CRYL1: variants seen among roughly 807,000 people sequenced by gnomAD.
CRYL1 encodes the protein crystallin lambda 1.
Under a neutral mutation model 36.6 loss-of-function variants are expected in CRYL1, and 29 were observed. The ratio of observed to expected loss-of-function variants is 0.79; its 90% confidence interval spans 0.59 to 1.08. The LOEUF (loss-of-function observed/expected upper bound fraction) is 1.08, where lower values mean the gene tolerates loss of function less well. CRYL1 is among the 50% of genes least tolerant of loss of function. CRYL1 has a pLI of 0.00. For synonymous variants in CRYL1, 152 were observed against 151.5 expected (o/e 1.00, Z -0.02); for missense variants, 411 against 407.9 (o/e 1.01, Z -0.06).
chr13:20,422,188 ATC>A (rs1489336383), intron 5 of CRYL1, among the ~76,000 whole-genome samples: 1 of 151,862 alleles, frequency 6.6e-6, no homozygotes, highest in Non-Finnish European at 1.5e-5. Flanking sequence ...GAGAAACCCC[ATC>A]TCTACTAAAA....
At chr13:20,454,228 AT>A (rs564527701) in intron 3 of CRYL1, among the ~76,000 whole-genome samples, 352 of 152,320 alleles carry the variant, frequency 2.3e-3, no homozygotes, top group Non-Finnish European at 3.9e-3. Context: ...TGCAAAAAAA[AT>A]CTCAACAAAA....
At chr13:20,508,610 G>A (rs1459648968) in intron 2 of CRYL1, among the ~76,000 whole-genome samples, 1 of 151,338 alleles carries the variant, frequency 6.6e-6, no homozygotes, top group Non-Finnish European at 1.5e-5. Context: ...ACTTTGGGAG[G>A]CCAAGATGGG....
At chr13:20,444,186 G>A (rs751793301) in intron 3 of CRYL1, among the ~76,000 whole-genome samples, 1 of 152,200 alleles carries the variant, frequency 6.6e-6, no homozygotes, top group Admixed American at 6.5e-5. Context: ...AGGGGAAAGA[G>A]CACATCTATT....
chr13:20,515,091 A>G (rs2033978509), intron 1 of CRYL1, among the ~76,000 whole-genome samples: 1 of 152,242 alleles, frequency 6.6e-6, no homozygotes, highest in Admixed American at 6.5e-5. Context: ...ACCAGTCACA[A>G]AGGTTCACGT....
chr13:20,468,181 T>C (rs1229529243), intron 3 of CRYL1, among the ~76,000 whole-genome samples: 4 of 152,252 alleles, frequency 2.6e-5, no homozygotes, highest in Non-Finnish European at 5.9e-5. Flanking sequence ...TCTGGGTCTT[T>C]CTGTAATTAA....
intron 1 of CRYL1, among the ~76,000 whole-genome samples, chr13:20,518,437 A>G (rs1297594529): frequency 6.6e-6 from 1 of 152,140 alleles, no homozygotes; most frequent in Non-Finnish European, 1.5e-5. Context: ...CAGCTGGTCC[A>G]GATCAACAAG....
At chr13:20,454,272 T>A (rs2032632749) in intron 3 of CRYL1, among the ~76,000 whole-genome samples, 2 of 152,104 alleles carry the variant, frequency 1.3e-5, no homozygotes, top group Non-Finnish European at 1.5e-5. Context: ...CTGGAGTTTA[T>A]CCCAGGAATG....
chr13:20,505,352 AT>A lies in CRYL1; in HGVS notation c.149+7090del, dbSNP rs1334221810. ...AGCCTGGGCAACAAAGTGAGACTCT[AT>A]CCCACCAAAAAAAAAAAAAAAAAAA... On this transcript the variant is annotated intron_variant, in intron 2 of 7. Coordinates refer to ENST00000298248, the MANE Select transcript of CRYL1 (RefSeq NM_015974.3). 6.1e-5 allele frequency among the ~76,000 whole-genome samples: 8 copies of A among 131,134 alleles called. No homozygotes were observed. In the East Asian group the frequency reaches 1.7e-3, roughly 28 times the overall value. The allele number at this position is 131,134 out of a possible 152,430, so 86.0% of individuals were successfully genotyped here.
chr13:20,411,785 G>A (rs896363834), intron 6 of CRYL1, among the ~76,000 whole-genome samples: 2 of 152,134 alleles, frequency 1.3e-5, no homozygotes, highest in African/African-American at 4.8e-5. Flanking sequence ...ACGTGCTGGA[G>A]CAGATTCCCC....
chr13:20,491,290 T>TA (rs35647358), intron 2 of CRYL1, among the ~76,000 whole-genome samples: 79,448 of 151,722 alleles, frequency 0.52, 21,525 homozygotes, highest in South Asian at 0.6. Flanking sequence ...TATATCAGCT[T>TA]AAAAAAATCT....
chr13:20,458,040 T>C (rs1257762033), intron 3 of CRYL1, among the ~76,000 whole-genome samples: 1 of 152,172 alleles, frequency 6.6e-6, no homozygotes, highest in East Asian at 1.9e-4. Context: ...ATTGGTTCTA[T>C]TCATTTACCA....
intron 1 of CRYL1, among the ~76,000 whole-genome samples, chr13:20,518,029 C>G (rs2034033829): frequency 6.6e-6 from 1 of 151,482 alleles, no homozygotes. Flanking sequence ...TAGCACTCAC[C>G]TTCATATTCC....
chr13:20,424,832 GA>G, intron 5 of CRYL1, among the ~76,000 whole-genome samples: 1 of 152,280 alleles, frequency 6.6e-6, no homozygotes, highest in East Asian at 1.9e-4. Flanking sequence ...CGGAGCTCTG[GA>G]AGCCCCATCA....
chr13:20,431,174 T>C (rs1174367644), intron 5 of CRYL1: 2 of 985,244 alleles, frequency 2.0e-6, no homozygotes, highest in African/African-American at 1.7e-5. Flanking sequence ...GAAATTGAAA[T>C]GCAACACTCA....
chr13:20,523,915 C>T (rs900462264), intron 1 of CRYL1, among the ~76,000 whole-genome samples: 1 of 152,186 alleles, frequency 6.6e-6, no homozygotes, highest in Non-Finnish European at 1.5e-5. Context: ...TCAACTAAAA[C>T]TTTACTTCAC....
chr13:20,500,838 G>A (rs1307032528), intron 2 of CRYL1, among the ~76,000 whole-genome samples: 2 of 152,060 alleles, frequency 1.3e-5, no homozygotes, highest in South Asian at 4.2e-4. Flanking sequence ...CATAGAAATT[G>A]ATACTTTTTG....
At position 20,413,544 on chromosome 13, in the gene CRYL1, A is replaced by T. The variant is rs146532854; in HGVS notation, c.634-157T>A. On this transcript the variant is annotated intron_variant, in intron 5 of 7. Coordinates refer to ENST00000298248, the MANE Select transcript of CRYL1 (RefSeq NM_015974.3). ...TTACCGAATATGCTTATGACCAGAC[A>T]TGTTTTGGATGGCTGATATTTTTTA... Among the ~76,000 whole-genome samples the T allele has an allele frequency of 1.3e-3, 195 of 152,320 alleles. 1 individual carries two copies. The highest frequency in any genetic ancestry group is 4.1e-3 in the African/African-American group (170 of 41,572).
At chr13:20,454,480 C>T (rs184459160) in intron 3 of CRYL1, among the ~76,000 whole-genome samples, 3 of 148,604 alleles carry the variant, frequency 2.0e-5, no homozygotes, top group East Asian at 3.9e-4. Flanking sequence ...TGCAGTGGTG[C>T]GATCTCGGCT....
chr13:20,502,016 T>C (rs2033712002), intron 2 of CRYL1, among the ~76,000 whole-genome samples: 1 of 152,148 alleles, frequency 6.6e-6, no homozygotes, highest in Non-Finnish European at 1.5e-5. Flanking sequence ...TTTCTGAAGT[T>C]GGGAAGAGGG....
Sources: allele counts gnomAD v4.1 joint callset (sites outside exome capture counted in the v4.1 genomes callset), GRCh38; gene constraint gnomAD v4.1.1; transcripts MANE v1.5; gene names NCBI Gene and HGNC (gene_info 2026-07-23, HGNC 2026-07-21).